TENM3: variants seen among roughly 807,000 people sequenced by gnomAD.
TENM3 encodes the protein teneurin-3.
Under a neutral mutation model 255.1 loss-of-function variants are expected in TENM3, and 63 were observed. The observed-to-expected ratio is 0.25, with a 90% CI of 0.20 to 0.30. The LOEUF (loss-of-function observed/expected upper bound fraction) is 0.30. TENM3 is among the 10% of genes least tolerant of loss of function. The pLI is 1.00. For missense variants in TENM3, 2,929 were observed against 3,461.1 expected (o/e 0.85, Z 3.86); for synonymous variants, 1,306 against 1,322.3 (o/e 0.99, Z 0.27).
chr4:181,960,479 A>G, the TENM3 span, among the ~76,000 whole-genome samples: 10 of 152,320 alleles, frequency 6.6e-5, no homozygotes, highest in African/African-American at 2.2e-4. Flanking sequence ...TCACAAATGG[A>G]TTGAGACTGG....
At chr4:182,537,298 T>TAC (rs1398073984) in intron 3 of TENM3, among the ~76,000 whole-genome samples, 1 of 152,028 alleles carries the variant, frequency 6.6e-6, no homozygotes, top group African/African-American at 2.4e-5. Context: ...CATCATGAAC[T>TAC]ACAGTCTGTA....
At chr4:182,676,408 G>A (rs1282339890) in intron 7 of TENM3, among the ~76,000 whole-genome samples, 2 of 152,162 alleles carry the variant, frequency 1.3e-5, no homozygotes, top group Non-Finnish European at 2.9e-5. Flanking sequence ...TTTTCACTGT[G>A]TGACCTTGCA....
the TENM3 span, among the ~76,000 whole-genome samples, chr4:181,948,837 T>C: frequency 2.0e-5 from 3 of 152,138 alleles, no homozygotes; most frequent in Admixed American, 1.3e-4. Context: ...GATTTTCCCA[T>C]TTAATTTCCA....
intron 1 of TENM3, among the ~76,000 whole-genome samples, chr4:182,246,173 A>G (rs1273396529): frequency 6.6e-6 from 1 of 152,186 alleles, no homozygotes; most frequent in South Asian, 2.1e-4. Flanking sequence ...TCATTGATAA[A>G]ATGAATGCAA....
chr4:182,470,968 T>C (rs115259824), intron 3 of TENM3, among the ~76,000 whole-genome samples: 3,156 of 152,308 alleles, frequency 0.021, 57 homozygotes, highest in East Asian at 0.044. Context: ...TTTTTTAGTA[T>C]AGAAATCTTC....
chr4:182,502,376 T>TA (rs1156458321), intron 3 of TENM3, among the ~76,000 whole-genome samples: 1 of 152,152 alleles, frequency 6.6e-6, no homozygotes, highest in Non-Finnish European at 1.5e-5. Context: ...TAAATTTTCT[T>TA]AGAGTATTTC....
At chr4:182,066,856 A>G in the TENM3 span, among the ~76,000 whole-genome samples, 1 of 152,122 alleles carries the variant, frequency 6.6e-6, no homozygotes, top group African/African-American at 2.4e-5. Context: ...GCTTGCAGTG[A>G]GCCGAGATCG....
chr4:181,592,250 A>AACAGAAACACACACACACACACACACAC, the TENM3 span, among the ~76,000 whole-genome samples: 425 of 126,804 alleles, frequency 3.4e-3, 3 homozygotes, highest in African/African-American at 0.012. Context: ...AAGCTGTTTA[A>AACAGAAACACACACACACACACACACAC]ACACAAACAC....
the TENM3 span, among the ~76,000 whole-genome samples, chr4:181,684,466 G>C: frequency 6.6e-6 from 1 of 152,124 alleles, no homozygotes; most frequent in Non-Finnish European, 1.5e-5. Context: ...TTGAGAATAT[G>C]TTTGTGTGAA....
At chr4:182,671,888 G>GTT (rs531945906) in intron 6 of TENM3, among the ~76,000 whole-genome samples, 159 of 151,302 alleles carry the variant, frequency 1.1e-3, no homozygotes, top group Non-Finnish European at 1.9e-3. Flanking sequence ...TTTGTTATCA[G>GTT]TTTTTTTTTA....
At chr4:181,771,658 A>G in the TENM3 span, among the ~76,000 whole-genome samples, 1 of 152,206 alleles carries the variant, frequency 6.6e-6, no homozygotes, top group African/African-American at 2.4e-5. Flanking sequence ...TATTTAGTAT[A>G]ATGCTTCTAA....
the TENM3 span, among the ~76,000 whole-genome samples, chr4:181,743,256 C>A: frequency 6.6e-6 from 1 of 152,314 alleles, no homozygotes; most frequent in Admixed American, 6.5e-5. Context: ...GCCACACTGA[C>A]TTCCACAATG....
intron 3 of TENM3, among the ~76,000 whole-genome samples, chr4:182,444,789 C>T (rs1772776363): frequency 6.6e-6 from 1 of 152,152 alleles, no homozygotes; most frequent in Non-Finnish European, 1.5e-5. Context: ...ACACTCCTAA[C>T]AACCAGCTTT....
At chr4:182,681,086 C>G (rs900436688) in intron 10 of TENM3, among the ~76,000 whole-genome samples, 9 of 152,076 alleles carry the variant, frequency 5.9e-5, no homozygotes, top group African/African-American at 2.2e-4. Flanking sequence ...TTTGACATCT[C>G]TAGAAAGACA....
the TENM3 span, among the ~76,000 whole-genome samples, chr4:181,710,327 G>A: frequency 0.11 from 17,131 of 152,064 alleles, 1,236 homozygotes; most frequent in African/African-American, 0.21. Flanking sequence ...GAGAGAGTGG[G>A]TAAACTTAAA....
the TENM3 span, among the ~76,000 whole-genome samples, chr4:181,886,337 A>G: frequency 6.6e-6 from 1 of 152,156 alleles, no homozygotes; most frequent in East Asian, 1.9e-4. Flanking sequence ...ACAGGCATGA[A>G]TGAGCCACCA....
chr4:182,023,814 C>T, the TENM3 span, among the ~76,000 whole-genome samples: 1 of 152,108 alleles, frequency 6.6e-6, no homozygotes, highest in Non-Finnish European at 1.5e-5. Context: ...ATCATCTGTA[C>T]CAAAATCCAT....
chr4:181,951,353 G>T, the TENM3 span, among the ~76,000 whole-genome samples: 3 of 152,148 alleles, frequency 2.0e-5, no homozygotes, highest in African/African-American at 7.2e-5. Flanking sequence ...AAGAACCAAT[G>T]TCTTCTAGAG....
chr4:181,936,859 C>T, the TENM3 span, among the ~76,000 whole-genome samples: 6 of 151,896 alleles, frequency 4.0e-5, no homozygotes, highest in Admixed American at 3.3e-4. Flanking sequence ...TTACCAAGGC[C>T]CCATGCTAGG....
Sources: gnomAD v4.1 joint callset for allele counts (sites outside exome capture counted in the v4.1 genomes callset) on GRCh38, gnomAD v4.1.1 for gene constraint, MANE v1.5 for transcripts, NCBI Gene and HGNC (gene_info 2026-07-23, HGNC 2026-07-21) for gene names.